POM121C: variants seen among roughly 807,000 people sequenced by gnomAD.
POM121C encodes the protein POM121 transmembrane nucleoporin C.
In POM121C, 20 loss-of-function variants were observed where a neutral mutation model predicts 66.4. The observed-to-expected ratio is 0.30, with a 90% CI of 0.21 to 0.44. The LOEUF (loss-of-function observed/expected upper bound fraction) is 0.44. POM121C is among the 20% of genes least tolerant of loss of function. The pLI, the probability that POM121C is intolerant of heterozygous loss-of-function variation, is 1.00. For synonymous variants in POM121C, 286 were observed against 528.0 expected, an observed-to-expected ratio of 0.54 and a Z score of 6.28; for missense variants, 580 against 1,225.7, an observed-to-expected ratio of 0.47 and a Z score of 7.87.
chr7:75,469,205 T>C (rs1246172192), intron 3 of POM121C, among the ~76,000 whole-genome samples: 1 of 152,046 alleles, frequency 6.6e-6, no homozygotes, highest in African/African-American at 2.4e-5. Context: ...GCTAAAGCGA[T>C]TCTCTCACCT....
At chr7:75,433,429 T>C (rs1301343820) in intron 7 of POM121C, among the ~76,000 whole-genome samples, 3 of 151,612 alleles carry the variant, frequency 2.0e-5, no homozygotes, top group African/African-American at 7.3e-5. Flanking sequence ...GGTCTCTGCT[T>C]ACTGCAAGCT....
intron 3 of POM121C, among the ~76,000 whole-genome samples, chr7:75,449,906 T>A (rs1313571223): frequency 6.6e-6 from 1 of 151,902 alleles, no homozygotes; most frequent in Admixed American, 6.6e-5. Context: ...TCCCAGCTAT[T>A]AGGAAGGCTG....
intron 3 of POM121C, among the ~76,000 whole-genome samples, chr7:75,460,490 C>CT (rs1563152950): frequency 1.3e-5 from 2 of 151,716 alleles, no homozygotes; most frequent in Non-Finnish European, 2.9e-5. Context: ...GAGTAAGACT[C>CT]TGTCTCAATA....
At chr7:75,454,190 G>A (rs1220708505) in intron 3 of POM121C, among the ~76,000 whole-genome samples, 13 of 152,246 alleles carry the variant, frequency 8.5e-5, no homozygotes, top group Non-Finnish European at 1.3e-4. Flanking sequence ...GGGAGATAGG[G>A]CTGTGGCCAC....
intron 3 of POM121C, among the ~76,000 whole-genome samples, chr7:75,474,389 G>A (rs587776117): frequency 2.6e-5 from 4 of 152,070 alleles, no homozygotes; most frequent in Admixed American, 1.3e-4. Context: ...ACAAGACTCC[G>A]TCTCCAAAAA....
rs1790526300 is a variant in POM121C, at chr7:75,439,042, T to C, written c.308+102A>G. On this transcript the variant is annotated intron_variant, in intron 6 of 14. Coordinates refer to ENST00000615331, the MANE Select transcript of POM121C (RefSeq NM_001099415.3). ...TTTCAAAGACATGAACCTGAACTAA[T>C]TAAGCAATGCAAAAAACAAAGAGGA... The C allele has an allele frequency of 3.1e-6, 4 of 1,303,022 alleles. No homozygotes were observed. The South Asian group carries it at 5.0e-5, about 16-fold the overall frequency. The allele number at this position is 1,303,022 out of a possible 1,614,324, so 80.7% of individuals were successfully genotyped here. A position where few individuals can be genotyped will look rare whatever the true frequency, so the allele number is the denominator to read the frequency against.
intron 1 of POM121C, among the ~76,000 whole-genome samples, chr7:75,475,521 T>G (rs1554479248): frequency 1.3e-5 from 2 of 150,580 alleles, no homozygotes; most frequent in Non-Finnish European, 3.0e-5. Flanking sequence ...TTACTTCTTG[T>G]CACTTCTTTT....
chr7:75,463,450 T>C (rs1554477320), intron 3 of POM121C, among the ~76,000 whole-genome samples: 1 of 127,532 alleles, frequency 7.8e-6, no homozygotes, highest in South Asian at 2.5e-4. Context: ...TGGGTTTTTC[T>C]TTTTTTTTTT....
At chr7:75,461,973 AT>A (rs1345693299) in intron 3 of POM121C, among the ~76,000 whole-genome samples, 1 of 148,768 alleles carries the variant, frequency 6.7e-6, no homozygotes, top group Non-Finnish European at 1.5e-5. Flanking sequence ...CCAAGTCCCC[AT>A]CCCCCCACAG....
intron 3 of POM121C, among the ~76,000 whole-genome samples, chr7:75,447,606 A>G (rs1335313493): frequency 1.3e-5 from 2 of 152,114 alleles, no homozygotes; most frequent in Non-Finnish European, 2.9e-5. Context: ...AAAGTTAAAT[A>G]AACATATTTT....
intron 3 of POM121C, among the ~76,000 whole-genome samples, chr7:75,447,181 C>T (rs1790849336): frequency 6.7e-6 from 1 of 149,738 alleles, no homozygotes; most frequent in Non-Finnish European, 1.5e-5. Context: ...CAAACTGACA[C>T]ATATTAAAAT....
chr7:75,435,777 T>C (rs782484776), intron 7 of POM121C, among the ~76,000 whole-genome samples: 12 of 152,206 alleles, frequency 7.9e-5, no homozygotes, highest in Non-Finnish European at 1.3e-4. Flanking sequence ...TGGCCAGGCA[T>C]GGTGGCTCAC....
intron 1 of POM121C, among the ~76,000 whole-genome samples, chr7:75,476,466 A>G (rs1295779356): frequency 6.6e-6 from 1 of 152,196 alleles, no homozygotes; most frequent in African/African-American, 2.4e-5. Flanking sequence ...TATAAAGAAC[A>G]TATCAACAAG....
rs372761915 is a variant in POM121C at position 75,424,592 on chromosome 7, C to G, written c.805G>C (p.Glu269Gln). ...GCCTTCTTCTCTAAGTCTAGGTCCT[C>G]GGCAGTGATCGAATAGCCAAGCTGG... Reference protein sequence around the residue: ...PPQLGYSITAEDLDLEKKASL... With the variant: ...PPQLGYSITAQDLDLEKKASL... The change falls in exon 11 of 15, where the codon GAG becomes CAG. Residue 269 changes from glutamate (E) to glutamine (Q), a missense_variant. Physicochemically the swap from Glu to Gln is conservative, Grantham distance 29. Coordinates refer to ENST00000615331, the MANE Select transcript of POM121C (RefSeq NM_001099415.3). 1 of 1,613,970 alleles carries G rather than the reference C, an allele frequency of 6.2e-7. No homozygotes were observed. The highest frequency in any genetic ancestry group is 8.5e-7 in the Non-Finnish European group (1 of 1,179,872).
At chr7:75,453,483 G>A (rs1791097353) in intron 3 of POM121C, among the ~76,000 whole-genome samples, 1 of 151,404 alleles carries the variant, frequency 6.6e-6, no homozygotes, top group South Asian at 2.1e-4. Context: ...TTGGGAGGCT[G>A]AGGCAGGAGA....
In POM121C at chr7:75,463,972, C is replaced by T. The variant is rs1471927346; in HGVS notation, c.-152+10732G>A. ...CTCCCAAAAGTGCTGGGATTACAGG[C>T]GTGAGGCACCACGCCTGGACTCTTT... is the stretch of plus-strand genomic sequence containing the variant. On this transcript the variant is annotated intron_variant, in intron 3 of 14. Coordinates refer to ENST00000615331, the MANE Select transcript of POM121C (RefSeq NM_001099415.3). Among the ~76,000 whole-genome samples the T allele has an allele frequency of 5.3e-3, 793 of 148,958 alleles. 5 individuals carry two copies. The highest frequency in any genetic ancestry group is 0.018 in the African/African-American group (735 of 40,114).
chr7:75,439,313 T>C, intron 5 of POM121C, 89 bp from the exon 6 acceptor site: 3 of 1,539,720 alleles, frequency 1.9e-6, no homozygotes, highest in Non-Finnish European at 2.7e-6. Flanking sequence ...GACCTTATAC[T>C]ATCTCTATGG....
intron 1 of POM121C, among the ~76,000 whole-genome samples, chr7:75,475,551 C>T (rs1204404815): frequency 6.7e-6 from 1 of 150,354 alleles, no homozygotes; most frequent in African/African-American, 2.4e-5. Context: ...TGCTGCCAGG[C>T]CCTCCCCTTC....
chr7:75,454,808 G>C (rs1451662361), intron 3 of POM121C, among the ~76,000 whole-genome samples: 16 of 152,368 alleles, frequency 1.1e-4, no homozygotes, highest in Non-Finnish European at 2.2e-4. Flanking sequence ...CGACGCAGTG[G>C]AGGTGGGGAG....
Sources: gnomAD v4.1 joint callset for allele counts (sites outside exome capture counted in the v4.1 genomes callset) on GRCh38, gnomAD v4.1.1 for gene constraint, MANE v1.5 for transcripts, NCBI Gene and HGNC (gene_info 2026-07-23, HGNC 2026-07-21) for gene names.